Variants in CERKL observed in about 807,000 individuals in gnomAD.
The protein encoded by CERKL is CERK like autophagy regulator, also known as ceramide kinase-like protein.
Under a neutral mutation model 63.4 loss-of-function variants are expected in CERKL, and 61 were observed. That is an observed-to-expected ratio of 0.96 (90% confidence interval 0.78 to 1.19). The LOEUF (loss-of-function observed/expected upper bound fraction) is 1.19. Among genes scored for constraint, CERKL ranks in the 50% most tolerant of loss-of-function variants. CERKL has a pLI of 0.00. For missense variants in CERKL, 675 were observed against 655.5 expected (o/e 1.03, Z -0.33); for synonymous variants, 250 against 230.5 (o/e 1.08, Z -0.77).
In CERKL at chr2:181,627,366, T is replaced by C. The variant is rs927805849; in HGVS notation, c.239-23287A>G. On this transcript the variant is annotated intron_variant, in intron 1 of 12. Transcript: ENST00000410087. ...TACATTAAGAGGAGAAACATAGAAA[T>C]TGAGAGATACAGAAAAGAATGAAAA... 3.9e-5 allele frequency among the ~76,000 whole-genome samples: 6 copies of C among 152,016 alleles called. No homozygotes were observed. In the East Asian group the frequency reaches 1.2e-3, roughly 29 times the overall value.
intron 3 of CERKL, among the ~76,000 whole-genome samples, chr2:181,572,617 A>G (rs954403727): frequency 2.0e-5 from 3 of 151,148 alleles, no homozygotes; most frequent in African/African-American, 7.3e-5. Flanking sequence ...TTTACTTGTA[A>G]ATCACCTCTA....
intron 11 of CERKL, among the ~76,000 whole-genome samples, chr2:181,540,330 TGTTA>T (rs1449941403): frequency 6.6e-6 from 1 of 152,222 alleles, no homozygotes; most frequent in Non-Finnish European, 1.5e-5. Context: ...TAATCATTCA[TGTTA>T]GTTGATAATT....
intron 1 of CERKL, among the ~76,000 whole-genome samples, chr2:181,635,352 G>C (rs1687130304): frequency 6.6e-6 from 1 of 152,024 alleles, no homozygotes; most frequent in East Asian, 1.9e-4. Context: ...ATAACTTTTA[G>C]AGAAATTTAT....
intron 1 of CERKL, among the ~76,000 whole-genome samples, chr2:181,627,313 A>G (rs1194275653): frequency 6.6e-6 from 1 of 152,174 alleles, no homozygotes; most frequent in Non-Finnish European, 1.5e-5. Flanking sequence ...CTCATTAGTA[A>G]AAAGGTTCTA....
At chr2:181,601,220 T>A (rs375814278) in intron 2 of CERKL, among the ~76,000 whole-genome samples, 1 of 152,182 alleles carries the variant, frequency 6.6e-6, no homozygotes, top group Admixed American at 6.5e-5. Flanking sequence ...GGACCTGCAA[T>A]TGAAAGAAGA....
rs202124278 is a variant in CERKL at position 181,548,873 on chromosome 2, A to G, written c.896-16T>C. The G allele has an allele frequency of 3.1e-6, 5 of 1,608,512 alleles. No individual in the cohort carries two copies. The highest frequency in any genetic ancestry group is 4.3e-6 in the Non-Finnish European group (5 of 1,175,234). On this transcript the variant is annotated splice_polypyrimidine_tract_variant and intron_variant, in intron 6 of 12. Transcript: ENST00000410087. ...TGTACATGCCCTTGAATATTACATTAAATATTAATCAGTGAGTACAGTAGG... is the reference window on the plus strand; with the variant it reads ...TGTACATGCCCTTGAATATTACATTGAATATTAATCAGTGAGTACAGTAGG...
In CERKL at chr2:181,637,287, CATCT is replaced by C. The variant is rs567538825; in HGVS notation, c.238+19478_238+19481del. ...TTGACTCAACAATCTCACTTCTAGG[CATCT>C]ATCCTAAAAGCACATTGAAAAACAA... On this transcript the variant is annotated intron_variant, in intron 1 of 12. Transcript: ENST00000410087. Among the ~76,000 whole-genome samples, 550 of 152,146 alleles carry C rather than the reference CATCT, an allele frequency of 3.6e-3. 4 individuals carry two copies. Among genetic ancestry groups the C allele is most frequent in the African/African-American group, 0.013 (542 of 41,502 alleles).
At chr2:181,616,126 TAAG>T (rs1381306123) in intron 1 of CERKL, among the ~76,000 whole-genome samples, 1 of 151,880 alleles carries the variant, frequency 6.6e-6, no homozygotes, top group African/African-American at 2.4e-5. Context: ...AGATACTTCT[TAAG>T]AATGTAAGCA....
chr2:181,607,221 C>T (rs2105899458), intron 1 of CERKL, among the ~76,000 whole-genome samples: 1 of 152,336 alleles, frequency 6.6e-6, no homozygotes, highest in Middle Eastern at 3.4e-3. Context: ...ATTATAAAAA[C>T]AGTTGTGACC....
intron 4 of CERKL, chr2:181,565,343 AAT>A: frequency 2.3e-6 from 2 of 867,870 alleles, no homozygotes; most frequent in Middle Eastern, 2.2e-4. Context: ...AAAGGAATAT[AAT>A]ATGTTTTAGT....
chr2:181,592,427 G>T (rs1170255711), intron 2 of CERKL, among the ~76,000 whole-genome samples: 3 of 152,092 alleles, frequency 2.0e-5, no homozygotes, highest in African/African-American at 7.2e-5. Flanking sequence ...CAAACACAGA[G>T]AACACAGATT....
chr2:181,633,548 GTTCT>G (rs370934710), intron 1 of CERKL, among the ~76,000 whole-genome samples: 2 of 152,130 alleles, frequency 1.3e-5, no homozygotes, highest in African/African-American at 4.8e-5. Flanking sequence ...AGTTTTGTTT[GTTCT>G]TTGTTTTGTT....
intron 2 of CERKL, among the ~76,000 whole-genome samples, chr2:181,581,959 GC>G (rs1215594743): frequency 6.6e-6 from 1 of 152,180 alleles, no homozygotes; most frequent in Non-Finnish European, 1.5e-5. Flanking sequence ...AGGGCATCTT[GC>G]CTACCTATTT....
chr2:181,654,946 T>A (rs1688096188), intron 1 of CERKL, among the ~76,000 whole-genome samples: 1 of 152,166 alleles, frequency 6.6e-6, no homozygotes, highest in African/African-American at 2.4e-5. Flanking sequence ...CACGCCTGGC[T>A]ATATTTTACC....
chr2:181,548,941 C>T (rs1687860834), intron 6 of CERKL, 84 bp from the exon 7 acceptor site: 3 of 1,245,048 alleles, frequency 2.4e-6, no homozygotes, highest in Non-Finnish European at 3.5e-6. Context: ...TATTTATTGG[C>T]TTATAGGAGA....
chr2:181,603,879 G>A lies in CERKL; in HGVS notation c.439C>T (p.His147Tyr). Residue 147 changes from histidine (H) to tyrosine (Y), a missense_variant, in exon 2 of 13, where the codon CAC becomes TAC. His to Tyr is a moderately conservative substitution (Grantham distance 83). Transcript: ENST00000410087. ...AACTGTCTAAACCATATGTCACAGT[G>A]GTCTTCACTTAAATTAATAAGATCA... ...TLDLINLSED[H>Y]CDIWFRQFKK... 1.2e-6 allele frequency: 2 copies of A among 1,612,508 alleles called. No individual in the cohort carries two copies. The highest frequency in any genetic ancestry group is 2.2e-5 in the South Asian group (2 of 91,018).
At chr2:181,632,662 A>T (rs1359505281) in intron 1 of CERKL, among the ~76,000 whole-genome samples, 1 of 152,186 alleles carries the variant, frequency 6.6e-6, no homozygotes, top group Admixed American at 6.5e-5. Flanking sequence ...TATCAGAGGA[A>T]AATTGTTAAA....
At chr2:181,600,361 TATC>T (rs916673307) in intron 2 of CERKL, among the ~76,000 whole-genome samples, 5 of 152,122 alleles carry the variant, frequency 3.3e-5, no homozygotes, top group African/African-American at 1.2e-4. Context: ...AAACCTCAAA[TATC>T]AATATTAACT....
At chr2:181,627,187 G>A (rs1239534459) in intron 1 of CERKL, among the ~76,000 whole-genome samples, 1 of 152,134 alleles carries the variant, frequency 6.6e-6, no homozygotes, top group African/African-American at 2.4e-5. Context: ...TAGCAGTTTG[G>A]TACAATGGAG....
Sources: allele counts gnomAD v4.1 joint callset (sites outside exome capture counted in the v4.1 genomes callset), GRCh38; gene constraint gnomAD v4.1.1; transcripts MANE v1.5; gene names NCBI Gene and HGNC (gene_info 2026-07-23, HGNC 2026-07-21).